Variants in GOLGA1 observed in about 807,000 individuals in gnomAD.
GOLGA1 encodes the protein golgin A1.
Under a neutral mutation model 119.7 loss-of-function variants are expected in GOLGA1, and 63 were observed. The ratio of observed to expected loss-of-function variants is 0.53; its 90% CI spans 0.43 to 0.65. The LOEUF (loss-of-function observed/expected upper bound fraction) is 0.65, where lower values mean the gene tolerates loss of function less well. Among genes scored for constraint, GOLGA1 ranks in the 30% least tolerant of loss-of-function variants. The pLI, the probability that GOLGA1 is intolerant of heterozygous loss-of-function variation, is 0.00. For missense variants in GOLGA1, 798 were observed against 912.8 expected (o/e 0.87, Z 1.62); for synonymous variants, 318 against 333.4 (o/e 0.95, Z 0.50).
intron 15 of GOLGA1, among the ~76,000 whole-genome samples, chr9:124,892,778 C>T (rs1008744767): frequency 6.6e-6 from 1 of 151,858 alleles, no homozygotes; most frequent in African/African-American, 2.4e-5. Context: ...ACTGAAAACA[C>T]AAAATTAGCC....
At chr9:124,912,724 A>T (rs1830365083) in intron 10 of GOLGA1, among the ~76,000 whole-genome samples, 1 of 152,008 alleles carries the variant, frequency 6.6e-6, no homozygotes, top group Non-Finnish European at 1.5e-5. Context: ...TTGTATTTTT[A>T]GTAGAGACGG....
At position 124,936,018 on chromosome 9, in the gene GOLGA1, G is replaced by A. The variant is rs527663085; in HGVS notation, c.135+2559C>T. On this transcript the variant is annotated intron_variant, in intron 3 of 22. Coordinates refer to ENST00000373555, the MANE Select transcript of GOLGA1 (RefSeq NM_002077.4). ...ATATAAGGGTCTGGAGATAGGAACT[G>A]AGGATCAGGCTGTATTAAGTTCAAA... 1.7e-3 allele frequency among the ~76,000 whole-genome samples: 264 copies of A among 152,298 alleles called. 1 individual carries two copies. Among genetic ancestry groups the A allele is most frequent in the African/African-American group, 6.2e-3 (257 of 41,566 alleles).
intron 2 of GOLGA1, among the ~76,000 whole-genome samples, chr9:124,939,666 G>A (rs1020419663): frequency 7.7e-5 from 11 of 142,788 alleles, no homozygotes; most frequent in African/African-American, 2.4e-4. Context: ...GGGTTCAAGC[G>A]ATTCTCCTGC....
In GOLGA1 at chr9:124,907,543, C is replaced by G. The variant is rs56072518; in HGVS notation, c.1065+834G>C. On this transcript the variant is annotated intron_variant, in intron 12 of 22. Transcript: ENST00000373555. ...CATGGACAAAGTTAACAGAATGACT[C>G]AGGACTGAAACTGATAAAGCATTAG... 8.7e-3 allele frequency among the ~76,000 whole-genome samples: 1,322 copies of G among 152,264 alleles called. 10 individuals carry two copies. The highest frequency in any genetic ancestry group is 0.015 in the Non-Finnish European group (1,020 of 68,022).
At chr9:124,932,513 A>G (rs753045996) in intron 3 of GOLGA1, among the ~76,000 whole-genome samples, 5 of 152,172 alleles carry the variant, frequency 3.3e-5, no homozygotes, top group Admixed American at 6.5e-5. Context: ...TTCTCTGTGC[A>G]CTGGTTTCCT....
At chr9:124,943,556 C>G (rs11557468), upstream of GOLGA1, 2 of 152,142 alleles carry the variant, frequency 1.3e-5, no homozygotes, top group African/African-American at 4.8e-5. Flanking sequence ...TGTTAAAATT[C>G]TATAACATTT....
At position 124,923,184 on chromosome 9, in the gene GOLGA1, T is replaced by C. The variant is rs767630234; in HGVS notation, c.472A>G (p.Asn158Asp). ...ILTAQLQEMK[N>D]QSMNLFQRRD... Reference sequence around the variant, plus strand: ...CTTTGGAAAAGATTCATACTCTGGTTCTTCATTTCCTGTAACTGGGCTGTC... The same window carrying C: ...CTTTGGAAAAGATTCATACTCTGGTCCTTCATTTCCTGTAACTGGGCTGTC... Residue 158 changes from asparagine (N) to aspartate (D), a missense_variant, in exon 8 of 23, where the codon AAC becomes GAC. Physicochemically the swap from Asn to Asp is conservative, Grantham distance 23 (BLOSUM62 1). Transcript: ENST00000373555. 5.2e-5 allele frequency: 83 copies of C among 1,598,636 alleles called. No homozygotes were observed. The highest frequency in any genetic ancestry group is 6.6e-5 in the Non-Finnish European group (77 of 1,167,188).
At chr9:124,910,183 C>T (rs534355039) in intron 11 of GOLGA1, among the ~76,000 whole-genome samples, 1 of 152,170 alleles carries the variant, frequency 6.6e-6, no homozygotes, top group African/African-American at 2.4e-5. Context: ...CCCGCCTCGG[C>T]CTCCCAAAGT....
At chr9:124,894,868 C>T (rs1356027929) in intron 15 of GOLGA1, among the ~76,000 whole-genome samples, 2 of 152,062 alleles carry the variant, frequency 1.3e-5, no homozygotes, top group Non-Finnish European at 2.9e-5. Flanking sequence ...CAACAAAGAA[C>T]TTCCACAACA....
In GOLGA1 at chr9:124,879,751, GAC is replaced by G. The variant is rs869099664; in HGVS notation, c.*777_*778del. ...GTTAAATGGATTTTATAGTACAGAAGACATGTTTATAGTAGTGAAGAACTTCA... is the reference window on the plus strand; with the variant it reads ...GTTAAATGGATTTTATAGTACAGAAGATGTTTATAGTAGTGAAGAACTTCA... On this transcript the variant is annotated 3_prime_UTR_variant, in exon 23 of 23. Transcript: ENST00000373555. 3.8e-5 allele frequency: 5 copies of G among 130,820 alleles called. No individual in the cohort carries two copies. The highest frequency in any genetic ancestry group is 3.8e-3 in the Middle Eastern group (1 of 262). 8.1% of individuals were successfully genotyped at this position (130,820 alleles called of 1,614,324 possible).
At chr9:124,915,265 A>G (rs1830417186) in intron 10 of GOLGA1, among the ~76,000 whole-genome samples, 1 of 152,148 alleles carries the variant, frequency 6.6e-6, no homozygotes, top group African/African-American at 2.4e-5. Flanking sequence ...GCCCATTACT[A>G]TCACCTGTAA....
chr9:124,883,457 A>AT (rs1242732196), intron 19 of GOLGA1, among the ~76,000 whole-genome samples: 1 of 148,626 alleles, frequency 6.7e-6, no homozygotes, highest in Non-Finnish European at 1.5e-5. Flanking sequence ...AGCTAATTTT[A>AT]TTTTTTTCAG....
rs1564322313 is a variant in GOLGA1 at position 124,888,433 on chromosome 9, G to C, written c.1762-37C>G. 1 of 1,607,670 alleles carries C rather than the reference G, an allele frequency of 6.2e-7. No individual in the cohort carries two copies. Among genetic ancestry groups the C allele is most frequent in the African/African-American group, 1.3e-5 (1 of 74,768 alleles). ...CAGCAGCAAATTGAGAGCCAGGACA[G>C]GTCAGGTGAAGCTGAGCCACAGGTA... On this transcript the variant is annotated intron_variant, in intron 18 of 22. Coordinates refer to ENST00000373555, the MANE Select transcript of GOLGA1 (RefSeq NM_002077.4). The surrounding 1 kb of genome is among the most constrained non-coding windows in gnomAD (Gnocchi z 4.4).
intron 11 of GOLGA1, among the ~76,000 whole-genome samples, chr9:124,909,183 G>C (rs1173186758): frequency 6.6e-6 from 1 of 151,000 alleles, no homozygotes; most frequent in Non-Finnish European, 1.5e-5. Flanking sequence ...TGTGGTGGTG[G>C]GTACCTGTAA....
intron 5 of GOLGA1, 78 bp from the exon 6 acceptor site, chr9:124,928,363 T>C (rs1409504199): frequency 3.0e-6 from 2 of 674,844 alleles, no homozygotes; most frequent in African/African-American, 1.9e-5. Context: ...TGATTACAAC[T>C]GTCACCTAAT....
At chr9:124,906,690 T>G (rs1830240126) in intron 12 of GOLGA1, among the ~76,000 whole-genome samples, 1 of 151,922 alleles carries the variant, frequency 6.6e-6, no homozygotes, top group East Asian at 1.9e-4. Flanking sequence ...AGGTGGAGGT[T>G]GCAGTGAGCC....
rs752275401 is a variant in GOLGA1, at chr9:124,938,670, A to G, written c.42T>C (p.Ala14=). 10 of 1,613,324 alleles carry G rather than the reference A, an allele frequency of 6.2e-6. No individual in the cohort carries two copies. The highest frequency in any genetic ancestry group is 6.8e-6 in the Non-Finnish European group (8 of 1,179,458). Residue 14 remains alanine, a synonymous_variant, in exon 3 of 23, where the codon GCT becomes GCC. Transcript: ENST00000373555. ...TAGCACCTCCTGGCCTCTGAGCAAC[A>G]GCAGTCTCTTCTGCAATTTTCTTCT... The part of the protein sequence containing the change: ...KLKKKIAEET[A]VAQRPGGATR...
At chr9:124,944,306 T>C (rs1831106695), upstream of GOLGA1, 1 of 151,364 alleles carries the variant, frequency 6.6e-6, no homozygotes, top group Non-Finnish European at 1.5e-5. Context: ...ATTCCTTTTT[T>C]TTTTTTTTTT....
At chr9:124,941,466 C>T (rs867937375), upstream of GOLGA1, among the ~76,000 whole-genome samples, 1 of 152,202 alleles carries the variant, frequency 6.6e-6, no homozygotes, top group Admixed American at 6.5e-5. Context: ...GCCAGGCGCC[C>T]CCCCGCGCCG....
Sources: gnomAD v4.1 joint callset for allele counts (sites outside exome capture counted in the v4.1 genomes callset) on GRCh38, gnomAD v4.1.1 for gene constraint, Gnocchi (gnomAD v3.1) non-coding constraint, MANE v1.5 for transcripts, NCBI Gene and HGNC (gene_info 2026-07-23, HGNC 2026-07-21) for gene names.